The following GLIS3 variants were observed in gnomAD, a reference collection of about 807,000 sequenced individuals.
GLIS3 encodes the protein GLIS family zinc finger 3.
In GLIS3, 53 loss-of-function variants were observed where a neutral mutation model predicts 78.6. That is an observed-to-expected ratio of 0.67 (90% CI 0.54 to 0.85). The LOEUF is 0.85. Ranked by LOEUF, GLIS3 falls within the 40% of genes least tolerant of loss-of-function variation. The pLI is 0.00. For missense variants in GLIS3, 1,703 were observed against 1,231.1 expected (o/e 1.38, Z -5.74); for synonymous variants, 684 against 509.9 (o/e 1.34, Z -4.60).
chr9:4,380,802 T>A, the GLIS3 span, among the ~76,000 whole-genome samples: 1 of 152,190 alleles, frequency 6.6e-6, no homozygotes, highest in Non-Finnish European at 1.5e-5. Context: ...CATAAAGTTT[T>A]GGGATGGGAG....
chr9:4,097,150 C>G (rs905551577), intron 4 of GLIS3, among the ~76,000 whole-genome samples: 3 of 152,144 alleles, frequency 2.0e-5, no homozygotes, highest in African/African-American at 7.2e-5. Context: ...AAAGGTTTGG[C>G]GAGCTGCACA....
chr9:4,256,757 T>C (rs1824981743), intron 2 of GLIS3, among the ~76,000 whole-genome samples: 1 of 151,976 alleles, frequency 6.6e-6, no homozygotes, highest in African/African-American at 2.4e-5. Flanking sequence ...AATATGACTT[T>C]TTAAAAATTA....
At chr9:4,056,205 T>C (rs1826146338) in intron 4 of GLIS3, among the ~76,000 whole-genome samples, 1 of 152,250 alleles carries the variant, frequency 6.6e-6, no homozygotes, top group Non-Finnish European at 1.5e-5. Context: ...GTAGAATTTC[T>C]AATTTATCTC....
At chr9:3,903,761 A>G (rs1823475722) in intron 6 of GLIS3, among the ~76,000 whole-genome samples, 1 of 152,222 alleles carries the variant, frequency 6.6e-6, no homozygotes, top group Admixed American at 6.5e-5. Context: ...GTGCTATGGA[A>G]AAAAGAAAAA....
chr9:3,884,167 A>G (rs1178006983), intron 7 of GLIS3, among the ~76,000 whole-genome samples: 1 of 152,036 alleles, frequency 6.6e-6, no homozygotes, highest in Non-Finnish European at 1.5e-5. Context: ...CCAAATGAAA[A>G]CCATTAATCT....
At chr9:3,999,418 A>T (rs1820971584) in intron 4 of GLIS3, among the ~76,000 whole-genome samples, 1 of 152,146 alleles carries the variant, frequency 6.6e-6, no homozygotes, top group African/African-American at 2.4e-5. Context: ...ATTCTCCAAG[A>T]GTGCTTTTTT....
At chr9:4,373,907 C>T in the GLIS3 span, among the ~76,000 whole-genome samples, 1 of 152,142 alleles carries the variant, frequency 6.6e-6, no homozygotes, top group Non-Finnish European at 1.5e-5. Context: ...ACCTCGTGAT[C>T]TGCCTGCCTC....
the GLIS3 span, among the ~76,000 whole-genome samples, chr9:4,393,211 T>C: frequency 6.6e-6 from 1 of 152,234 alleles, no homozygotes; most frequent in African/African-American, 2.4e-5. Context: ...TGTACATACC[T>C]GTATGTCTCT....
the GLIS3 span, among the ~76,000 whole-genome samples, chr9:4,401,348 C>T: frequency 2.6e-5 from 4 of 152,070 alleles, no homozygotes; most frequent in Non-Finnish European, 5.9e-5. Flanking sequence ...CAACCTCTGT[C>T]TCCCACGTTC....
chr9:4,219,170 T>G (rs548199005), intron 2 of GLIS3, among the ~76,000 whole-genome samples: 22 of 152,226 alleles, frequency 1.4e-4, no homozygotes, highest in Non-Finnish European at 2.4e-4. Flanking sequence ...GACATGCCAG[T>G]AGGTTGTCCT....
At chr9:4,361,894 A>C in the GLIS3 span, among the ~76,000 whole-genome samples, 3 of 152,208 alleles carry the variant, frequency 2.0e-5, no homozygotes, top group Admixed American at 2.0e-4. Context: ...TGAAGTTTGT[A>C]TGTTGTTTTT....
intron 2 of GLIS3, among the ~76,000 whole-genome samples, chr9:4,339,082 T>C (rs969754167): frequency 1.3e-5 from 2 of 152,206 alleles, no homozygotes; most frequent in African/African-American, 2.4e-5. Context: ...ATTGAGACTG[T>C]CCATACAACA....
chr9:4,449,520 A>G, the GLIS3 span, among the ~76,000 whole-genome samples: 2 of 152,224 alleles, frequency 1.3e-5, no homozygotes, highest in Non-Finnish European at 2.9e-5. Context: ...TGCCTCCTCA[A>G]GTGGGTCCCT....
chr9:4,037,886 T>C (rs1381672600), intron 4 of GLIS3, among the ~76,000 whole-genome samples: 1 of 152,290 alleles, frequency 6.6e-6, no homozygotes, highest in East Asian at 1.9e-4. Flanking sequence ...ACTTTGGTGT[T>C]TTCCTGGGAA....
intron 9 of GLIS3, among the ~76,000 whole-genome samples, chr9:3,834,746 G>A (rs117278797): frequency 0.012 from 1,794 of 152,164 alleles, 13 homozygotes; most frequent in Non-Finnish European, 0.02. Context: ...AATCTTTGTG[G>A]AAGGAACCAG....
chr9:4,045,240 C>G (rs1047243942), intron 4 of GLIS3, among the ~76,000 whole-genome samples: 1 of 152,126 alleles, frequency 6.6e-6, no homozygotes, highest in Non-Finnish European at 1.5e-5. Context: ...GGTCCCCTTG[C>G]AAATGAAGGA....
chr9:4,421,757 A>ATG, the GLIS3 span, among the ~76,000 whole-genome samples: 9 of 152,228 alleles, frequency 5.9e-5, no homozygotes, highest in African/African-American at 2.2e-4. Context: ...ATTCACAAAT[A>ATG]TGTAAAGAGT....
chr9:4,423,671 A>G, the GLIS3 span, among the ~76,000 whole-genome samples: 5 of 152,232 alleles, frequency 3.3e-5, no homozygotes, highest in Admixed American at 1.3e-4. Flanking sequence ...CCAATGCCCT[A>G]TAATAAATAT....
At chr9:3,995,595 G>T (rs1820680776) in intron 4 of GLIS3, among the ~76,000 whole-genome samples, 1 of 151,994 alleles carries the variant, frequency 6.6e-6, no homozygotes, top group African/African-American at 2.4e-5. Flanking sequence ...ACAAGAGGCT[G>T]TGAAAATTGA....
Sources: gnomAD v4.1 joint callset for allele counts (sites outside exome capture counted in the v4.1 genomes callset) on GRCh38, gnomAD v4.1.1 for gene constraint, MANE v1.5 for transcripts, NCBI Gene and HGNC (gene_info 2026-07-23, HGNC 2026-07-21) for gene names.